ATP8B4: variants seen among roughly 807,000 people sequenced by gnomAD.
The protein encoded by ATP8B4 is probable phospholipid-transporting ATPase IM.
In ATP8B4, 133 loss-of-function variants were observed where a neutral mutation model predicts 145.6. The ratio of observed to expected loss-of-function variants is 0.91; its 90% CI spans 0.79 to 1.05. The LOEUF (loss-of-function observed/expected upper bound fraction) is 1.05, where lower values mean the gene tolerates loss of function less well. ATP8B4 is among the 50% of genes least tolerant of loss of function. The pLI is 0.00. For missense variants in ATP8B4, 1,458 were observed against 1,425.2 expected (o/e 1.02, Z -0.37); for synonymous variants, 507 against 492.9 (o/e 1.03, Z -0.38).
chr15:49,872,761 T>C (rs963749660), intron 25 of ATP8B4, among the ~76,000 whole-genome samples: 1 of 152,102 alleles, frequency 6.6e-6, no homozygotes, highest in African/African-American at 2.4e-5. Flanking sequence ...CTAAGGAACA[T>C]GACCACTAAA....
intron 2 of ATP8B4, among the ~76,000 whole-genome samples, chr15:50,089,082 A>G (rs1486022248): frequency 6.6e-6 from 1 of 152,218 alleles, no homozygotes; most frequent in Non-Finnish European, 1.5e-5. Context: ...CATATGCAGA[A>G]GATTGAAACT....
At chr15:50,011,044 C>G (rs1248543113) in intron 6 of ATP8B4, 127 bp from the exon 7 acceptor site, 3 of 584,122 alleles carry the variant, frequency 5.1e-6, no homozygotes, top group Non-Finnish European at 8.5e-6. Context: ...TATGTTAATT[C>G]AAAATGGTCT....
intron 10 of ATP8B4, among the ~76,000 whole-genome samples, chr15:49,983,114 A>G (rs1200366259): frequency 6.6e-6 from 1 of 152,154 alleles, no homozygotes. Context: ...ACCTTCCCTG[A>G]GCAATCTCAC....
chr15:50,054,084 C>T (rs2153614721), intron 3 of ATP8B4, among the ~76,000 whole-genome samples: 1 of 152,122 alleles, frequency 6.6e-6, no homozygotes, highest in South Asian at 2.1e-4. Flanking sequence ...GTGAGTGATC[C>T]CAAATAATTC....
Position 49,860,149 on chromosome 15 carries a change from C to T in ATP8B4, c.*45G>A, listed in dbSNP as rs1267720585. ...TCTGGAGCCAGCAGAATTTCAGCTC[C>T]ACCTGAAGTGAAAAGATAACTACGT... On this transcript the variant is annotated 3_prime_UTR_variant, in exon 28 of 28. Coordinates refer to ENST00000284509, the MANE Select transcript of ATP8B4 (RefSeq NM_024837.4). The T allele has an allele frequency of 1.3e-6, 2 of 1,552,268 alleles. No homozygotes were observed. The highest frequency in any genetic ancestry group is 2.7e-5 in the African/African-American group (2 of 73,064).
At chr15:50,170,430 A>G (rs879815947) in intron 1 of ATP8B4, among the ~76,000 whole-genome samples, 2 of 152,146 alleles carry the variant, frequency 1.3e-5, no homozygotes, top group Non-Finnish European at 1.5e-5. Flanking sequence ...ACTAGGCATC[A>G]TATATGAAGG....
rs566541051 is a variant in ATP8B4 at position 49,999,112 on chromosome 15, T to G, written c.507-2353A>C. ...ATGTTTATTGTGGCACTATTCACAATAGCAAAGACTTGGAACCAACCCAAA... is the reference window on the plus strand; with the variant it reads ...ATGTTTATTGTGGCACTATTCACAAGAGCAAAGACTTGGAACCAACCCAAA... On this transcript the variant is annotated intron_variant, in intron 8 of 27. Transcript: ENST00000284509. Among the ~76,000 whole-genome samples the G allele has an allele frequency of 5.1e-4, 78 of 152,116 alleles. 1 individual carries two copies. Among genetic ancestry groups the G allele is most frequent in the Admixed American group, 7.9e-4 (12 of 15,260 alleles).
intron 13 of ATP8B4, among the ~76,000 whole-genome samples, chr15:49,971,989 G>C (rs2045188984): frequency 6.6e-6 from 1 of 152,062 alleles, no homozygotes; most frequent in African/African-American, 2.4e-5. Flanking sequence ...GGGTGAGGCT[G>C]GAAACCATCA....
chr15:50,181,570 G>A (rs1318081206), intron 1 of ATP8B4, among the ~76,000 whole-genome samples: 2 of 152,198 alleles, frequency 1.3e-5, no homozygotes, highest in African/African-American at 2.4e-5. Flanking sequence ...TGCTCTTCAC[G>A]AAATCAGGAC....
At chr15:49,884,524 C>T (rs1054172327) in intron 23 of ATP8B4, among the ~76,000 whole-genome samples, 25 of 145,766 alleles carry the variant, frequency 1.7e-4, no homozygotes, top group Admixed American at 1.0e-3. Context: ...ATCACTTGAA[C>T]GTGGGAGGCA....
At chr15:50,107,439 A>C (rs1338144669) in intron 1 of ATP8B4, among the ~76,000 whole-genome samples, 1 of 152,218 alleles carries the variant, frequency 6.6e-6, no homozygotes, top group East Asian at 1.9e-4. Context: ...CTCTAGAGAA[A>C]CAAAATGCAA....
chr15:50,171,382 T>C (rs998933996), intron 1 of ATP8B4, among the ~76,000 whole-genome samples: 3 of 152,128 alleles, frequency 2.0e-5, no homozygotes, highest in Non-Finnish European at 2.9e-5. Flanking sequence ...GGAATAAAAC[T>C]GGAAATCAAC....
At chr15:49,973,386 G>C (rs2045351923) in intron 12 of ATP8B4, among the ~76,000 whole-genome samples, 1 of 152,106 alleles carries the variant, frequency 6.6e-6, no homozygotes, top group Admixed American at 6.6e-5. Context: ...CTGTGGTAGG[G>C]GAAACTAATG....
At chr15:50,055,974 A>G (rs1430350495) in intron 3 of ATP8B4, among the ~76,000 whole-genome samples, 1 of 152,148 alleles carries the variant, frequency 6.6e-6, no homozygotes, top group African/African-American at 2.4e-5. Flanking sequence ...TGCAGAGTCC[A>G]CAGCTTTCCA....
intron 3 of ATP8B4, among the ~76,000 whole-genome samples, chr15:50,052,303 G>A (rs2052248724): frequency 6.6e-6 from 1 of 152,174 alleles, no homozygotes; most frequent in Non-Finnish European, 1.5e-5. Flanking sequence ...CAGAAGAAAA[G>A]GAGTAGACTC....
intron 3 of ATP8B4, among the ~76,000 whole-genome samples, chr15:50,061,607 C>T (rs1162886219): frequency 6.6e-6 from 1 of 152,126 alleles, no homozygotes; most frequent in East Asian, 1.9e-4. Flanking sequence ...TTAAAGCATT[C>T]AATTCCAGTA....
At chr15:50,100,336 C>A (rs576241384) in intron 2 of ATP8B4, among the ~76,000 whole-genome samples, 37 of 152,286 alleles carry the variant, frequency 2.4e-4, no homozygotes, top group Non-Finnish European at 4.4e-4. Flanking sequence ...GCCCCTCTGG[C>A]AAAGATACCA....
upstream of ATP8B4, among the ~76,000 whole-genome samples, chr15:50,123,720 T>G (rs547916013): frequency 6.6e-6 from 1 of 152,280 alleles, no homozygotes; most frequent in Admixed American, 6.5e-5. Flanking sequence ...TTCCCCTGTC[T>G]TAATAAATTG....
chr15:50,092,016 C>T (rs11631945), intron 2 of ATP8B4, among the ~76,000 whole-genome samples: 57,445 of 151,922 alleles, frequency 0.38, 11,311 homozygotes, highest in Non-Finnish European at 0.42. Context: ...ACCTGATATT[C>T]TGTACCTTTC....
Sources: gnomAD v4.1 joint callset for allele counts (sites outside exome capture counted in the v4.1 genomes callset) on GRCh38, gnomAD v4.1.1 for gene constraint, MANE v1.5 for transcripts, NCBI Gene and HGNC (gene_info 2026-07-23, HGNC 2026-07-21) for gene names.